The following UBQLN4 variants were observed in gnomAD, a reference collection of about 807,000 sequenced individuals.
UBQLN4 encodes ubiquilin 4.
In UBQLN4, 11 loss-of-function variants were observed where a neutral mutation model predicts 60.4. The observed-to-expected ratio is 0.18, with a 90% CI of 0.11 to 0.30. The LOEUF (loss-of-function observed/expected upper bound fraction) is 0.30, where lower values mean the gene tolerates loss of function less well. UBQLN4 is among the 10% of genes least tolerant of loss of function. The pLI is 1.00. For missense variants in UBQLN4, 417 were observed against 795.5 expected (o/e 0.52, Z 5.72); for synonymous variants, 258 against 313.1 (o/e 0.82, Z 1.86).
downstream of UBQLN4, among the ~76,000 whole-genome samples, chr1:156,034,825 C>CTATATATATACA (rs1683356068): frequency 2.2e-5 from 1 of 46,378 alleles, no homozygotes; most frequent in East Asian, 3.4e-4. Context: ...CCTTAACCTT[C>CTATATATATACA]TATATATATA....
Position 156,048,389 on chromosome 1 carries a change from C to A in UBQLN4, c.900+112G>T, listed in dbSNP as rs1683771291. The A allele has an allele frequency of 2.3e-6, 3 of 1,310,614 alleles. No individual in the cohort carries two copies. In the African/African-American group the frequency reaches 4.4e-5, roughly 19 times the overall value. The allele number at this position is 1,310,614 out of a possible 1,614,324, so 81.2% of individuals were successfully genotyped here. ...AGAACTGCCTTCAAGCCAAGGCCCA[C>A]CCCTCAGGGGACTGGGGAAAGAAAG... is the stretch of plus-strand genomic sequence containing the variant. On this transcript the variant is annotated intron_variant, in intron 5 of 10. Transcript: ENST00000368309. The surrounding 1 kb of genome is among the most constrained non-coding windows in gnomAD (Gnocchi z 4.9).
At position 156,044,016 on chromosome 1, in the gene UBQLN4, C is replaced by T; in HGVS notation, c.1108G>A (p.Ala370Thr). ...GACATACCTGACCCCAGGCTAGCCG[C>T]ATTGATCCCAAAGGGGTTCGAGACT... ...PTVSNPFGIN[A>T]ASLGSGMFNS... The change falls in exon 6 of 11, where the codon GCG (alanine) becomes ACG (threonine). Residue 370 changes from alanine (A) to threonine (T), a missense_variant. By Grantham distance (58) the Ala-to-Thr change is moderately conservative. Coordinates refer to ENST00000368309, the MANE Select transcript of UBQLN4 (RefSeq NM_020131.5). The T allele has an allele frequency of 6.2e-7, 1 of 1,613,334 alleles. No homozygotes were observed. The highest frequency in any genetic ancestry group is 1.3e-5 in the African/African-American group (1 of 75,040).
At chr1:156,047,730 C>T (rs989825155) in intron 5 of UBQLN4, among the ~76,000 whole-genome samples, 1 of 150,666 alleles carries the variant, frequency 6.6e-6, no homozygotes, top group Non-Finnish European at 1.5e-5. Flanking sequence ...CCCATCTCTA[C>T]TAAAAATATA....
intron 6 of UBQLN4, 79 bp downstream of exon 6, chr1:156,043,919 C>G: frequency 2.1e-6 from 3 of 1,433,278 alleles, no homozygotes; most frequent in East Asian, 2.3e-5. Flanking sequence ...AATCCTGGAG[C>G]AGTATGAACC....
chr1:156,048,235 T>C lies in UBQLN4; in HGVS notation c.900+266A>G, dbSNP rs547900603. On this transcript the variant is annotated intron_variant, in intron 5 of 10. Coordinates refer to ENST00000368309, the MANE Select transcript of UBQLN4 (RefSeq NM_020131.5). The surrounding 1 kb of genome is among the most constrained non-coding windows in gnomAD (Gnocchi z 4.9). Reference sequence around the variant, plus strand: ...GACCTCAGGCCTGCCACGTGACCTTTGAGCCCCTGGTACAAGAAGTTTGTC... The same window carrying C: ...GACCTCAGGCCTGCCACGTGACCTTCGAGCCCCTGGTACAAGAAGTTTGTC... Among the ~76,000 whole-genome samples the C allele has an allele frequency of 1.3e-5, 2 of 152,308 alleles. No homozygotes were observed. Among genetic ancestry groups the C allele is most frequent in the East Asian group, 3.9e-4 (2 of 5,188 alleles).
chr1:156,038,447 G>A (rs1269476488), intron 10 of UBQLN4, among the ~76,000 whole-genome samples: 1 of 152,032 alleles, frequency 6.6e-6, no homozygotes, highest in East Asian at 1.9e-4. Flanking sequence ...ATCACTTGAG[G>A]TCAGGAGTTC....
At position 156,050,146 on chromosome 1, in the gene UBQLN4, G is replaced by T; in HGVS notation, c.741+145C>A. On this transcript the variant is annotated intron_variant, in intron 4 of 10. Transcript: ENST00000368309. The surrounding 1 kb of genome is among the most constrained non-coding windows in gnomAD (Gnocchi z 4.6). ...ACACCTGGAATTCCTGAAAAGCTAG[G>T]CCTGTCTTTTCATCCCTGTACCTCC... is the stretch of plus-strand genomic sequence containing the variant. 1 of 1,128,028 alleles carries T rather than the reference G, an allele frequency of 8.9e-7. No individual in the cohort carries two copies. The highest frequency in any genetic ancestry group is 1.2e-6 in the Non-Finnish European group (1 of 834,098). 69.9% of individuals were successfully genotyped at this position (1,128,028 alleles called of 1,614,324 possible).
intron 3 of UBQLN4, 86 bp downstream of exon 3, chr1:156,051,024 G>A (rs1378576724): frequency 1.5e-6 from 2 of 1,329,090 alleles, no homozygotes; most frequent in Admixed American, 2.0e-5. Context: ...CAGACCAGGA[G>A]CAGGAACTCC....
At chr1:156,046,414 C>T (rs1683702205) in intron 5 of UBQLN4, among the ~76,000 whole-genome samples, 1 of 151,536 alleles carries the variant, frequency 6.6e-6, no homozygotes, top group Non-Finnish European at 1.5e-5. Context: ...AGGAGAATCA[C>T]TTGAACCCGG....
Position 156,048,694 on chromosome 1 carries a change from A to C in UBQLN4, c.742-35T>G, listed in dbSNP as rs1337323321. The C allele has an allele frequency of 6.2e-7, 1 of 1,600,776 alleles. No homozygotes were observed. The highest frequency in any genetic ancestry group is 2.2e-5 in the East Asian group (1 of 44,584). ...GGAGAGAGACAAAATGGGCCCCGGA[A>C]CCAGGGGAGCACCAACCTAGGAAAA... On this transcript the variant is annotated intron_variant, in intron 4 of 10. Transcript: ENST00000368309. The surrounding 1 kb of genome is among the most constrained non-coding windows in gnomAD (Gnocchi z 4.9).
intron 10 of UBQLN4, among the ~76,000 whole-genome samples, chr1:156,041,232 T>C (rs1163023347): frequency 1.3e-5 from 2 of 152,218 alleles, no homozygotes. Flanking sequence ...AAATGAGTCG[T>C]AAATGAGCTC....
rs1479748739 is a variant in UBQLN4 at position 156,051,689 on chromosome 1, T to C, written c.260+17A>G. The C allele has an allele frequency of 1.9e-6, 3 of 1,612,386 alleles. No individual in the cohort carries two copies. In the African/African-American group the frequency reaches 4.0e-5, roughly 22 times the overall value. On this transcript the variant is annotated intron_variant, in intron 2 of 10. Transcript: ENST00000368309. ...AGGCCCAATCAGAAGCTGGATCTGC[T>C]CTGCTCCTGAACTTACTTCTGAGGG... is the stretch of plus-strand genomic sequence containing the variant.
At chr1:156,044,263 A>T (rs1416711465) in intron 5 of UBQLN4, 40 bp from the exon 6 acceptor site, 2 of 1,523,180 alleles carry the variant, frequency 1.3e-6, no homozygotes, top group Non-Finnish European at 1.8e-6. Context: ...GACTGAAACA[A>T]ATCAGGGACA....
chr1:156,048,435 C>G lies in UBQLN4; in HGVS notation c.900+66G>C, dbSNP rs2102752830. 6.5e-7 allele frequency: 1 copy of G among 1,534,448 alleles called. No homozygotes were observed. Among genetic ancestry groups the G allele is most frequent in the Non-Finnish European group, 8.8e-7 (1 of 1,132,186 alleles). Reference sequence around the variant, plus strand: ...GAAAGAAGAGCAGGCCCAGGTTTGCCTGGGGTGGGGGTAGGGAATCTCGAG... The same window carrying G: ...GAAAGAAGAGCAGGCCCAGGTTTGCGTGGGGTGGGGGTAGGGAATCTCGAG... On this transcript the variant is annotated intron_variant, in intron 5 of 10. Coordinates refer to ENST00000368309, the MANE Select transcript of UBQLN4 (RefSeq NM_020131.5). The surrounding 1 kb of genome is among the most constrained non-coding windows in gnomAD (Gnocchi z 4.9).
At chr1:156,049,380 G>A (rs1462903612) in intron 4 of UBQLN4, among the ~76,000 whole-genome samples, 2 of 152,176 alleles carry the variant, frequency 1.3e-5, no homozygotes, top group Non-Finnish European at 2.9e-5. Context: ...TGAAGATGGG[G>A]GCTTTCTTCT....
At chr1:156,042,478 T>C in intron 7 of UBQLN4, 1 of 1,362,380 alleles carries the variant, frequency 7.3e-7, no homozygotes, top group Non-Finnish European at 9.5e-7. Flanking sequence ...TGAGGACAGC[T>C]AACATTTCCA....
intron 1 of UBQLN4, 21 bp downstream of exon 1, chr1:156,053,570 CCCG>C: frequency 7.9e-7 from 1 of 1,272,198 alleles, no homozygotes; most frequent in South Asian, 2.9e-5. Flanking sequence ...CCGCGCTCCC[CCCG>C]CCCCCCGCCT....
Position 156,051,220 on chromosome 1 carries a change from G to A in UBQLN4, c.368C>T (p.Thr123Ile), listed in dbSNP as rs1683860524. 1.2e-6 allele frequency: 2 copies of A among 1,609,270 alleles called. No homozygotes were observed. The highest frequency in any genetic ancestry group is 1.7e-6 in the Non-Finnish European group (2 of 1,177,688). Residue 123 changes from threonine (T) to isoleucine (I), a missense_variant, in exon 3 of 11, where the codon ACC (threonine) becomes ATC (isoleucine). Physicochemically the swap from Thr to Ile is moderately conservative, Grantham distance 89 (BLOSUM62 -1). Coordinates refer to ENST00000368309, the MANE Select transcript of UBQLN4 (RefSeq NM_020131.5). Reference protein sequence around the residue: ...ASPATPAQPSTSGSASSDAGS... With the variant: ...ASPATPAQPSISGSASSDAGS... ...AGCATCTGAAGAGGCACTGCCAGAG[G>A]TGGAGGGCTGGGCAGGGGTGGCGGG...
intron 7 of UBQLN4, 92 bp from the exon 8 acceptor site, chr1:156,042,328 T>C: frequency 6.8e-7 from 1 of 1,467,976 alleles, no homozygotes; most frequent in African/African-American, 1.4e-5. Context: ...CCCCTACCAC[T>C]GCAGGAAATC....
Sources: gnomAD v4.1 joint callset for allele counts (sites outside exome capture counted in the v4.1 genomes callset) on GRCh38, gnomAD v4.1.1 for gene constraint, Gnocchi (gnomAD v3.1) non-coding constraint, MANE v1.5 for transcripts, NCBI Gene and HGNC (gene_info 2026-07-23, HGNC 2026-07-21) for gene names.